The following ZNF492 variants were observed in gnomAD, a reference collection of about 807,000 sequenced individuals.
The protein encoded by ZNF492 is zinc finger protein 115 (Y20).
Under a neutral mutation model 6.4 loss-of-function variants are expected in ZNF492, and 3 were observed. The observed-to-expected ratio is 0.47, with a 90% CI of 0.21 to 1.22. The LOEUF is 1.22. Among genes scored for constraint, ZNF492 ranks in the 50% most tolerant of loss-of-function variants. The pLI is 0.22. For synonymous variants in ZNF492, 112 were observed against 205.3 expected, an observed-to-expected ratio of 0.55 and a Z score of 3.89; for missense variants, 356 against 612.5, an observed-to-expected ratio of 0.58 and a Z score of 4.42.
At chr19:22,656,989 A>G (rs529580270) in intron 3 of ZNF492, among the ~76,000 whole-genome samples, 78 of 152,210 alleles carry the variant, frequency 5.1e-4, no homozygotes, top group African/African-American at 1.9e-3. Flanking sequence ...CAGGCTGATG[A>G]ATTTTCTTGC....
intron 1 of ZNF492, among the ~76,000 whole-genome samples, chr19:22,637,698 CT>C (rs1971782629): frequency 6.6e-6 from 1 of 152,062 alleles, no homozygotes; most frequent in Non-Finnish European, 1.5e-5. Context: ...ATACGTATGT[CT>C]TTATAATAGA....
At position 22,649,258 on chromosome 19, in the gene ZNF492, C is replaced by T. The variant is rs1160250131; in HGVS notation, c.-93-4049C>T. 5.3e-5 allele frequency among the ~76,000 whole-genome samples: 8 copies of T among 152,148 alleles called. 1 individual carries two copies. Among genetic ancestry groups the T allele is most frequent in the Non-Finnish European group, 2.9e-5 (2 of 68,036 alleles). On this transcript the variant is annotated intron_variant, in intron 1 of 3. Coordinates refer to ENST00000456783, the MANE Select transcript of ZNF492 (RefSeq NM_020855.3). ...CTTTAAGAATGTTGAATATTGGCCT[C>T]CATTGTCATCTGGTTTGTAGGATTT... is the stretch of plus-strand genomic sequence containing the variant.
chr19:22,636,417 C>T lies in ZNF492; in HGVS notation c.-94+1943C>T, dbSNP rs1248472891. On this transcript the variant is annotated intron_variant, in intron 1 of 3. Transcript: ENST00000456783. ...AGCCTCAGCTATTACTTAGAAACAA[C>T]ATGCATTTGGTTTTCTGCTGCTACG... Among the ~76,000 whole-genome samples the T allele has an allele frequency of 3.3e-5, 5 of 151,550 alleles. No individual in the cohort carries two copies. The South Asian group carries it at 8.4e-4, about 25-fold the overall frequency.
intron 1 of ZNF492, among the ~76,000 whole-genome samples, chr19:22,647,359 T>G (rs1486379521): frequency 6.8e-6 from 1 of 147,996 alleles, no homozygotes; most frequent in African/African-American, 2.5e-5. Context: ...TGGGTTCAAG[T>G]GATTGTCCTG....
intron 3 of ZNF492, among the ~76,000 whole-genome samples, chr19:22,663,262 T>C (rs527768804): frequency 0.034 from 5,128 of 151,844 alleles, 281 homozygotes; most frequent in African/African-American, 0.12. Context: ...GTGGTGTTAT[T>C]TCTGAGGTCT....
intron 3 of ZNF492, among the ~76,000 whole-genome samples, chr19:22,662,945 C>T (rs1425402183): frequency 6.6e-6 from 1 of 152,080 alleles, no homozygotes. Flanking sequence ...TTAATTAGAT[C>T]CCATTTGTCA....
intron 1 of ZNF492, among the ~76,000 whole-genome samples, chr19:22,647,204 T>C (rs1030393264): frequency 5.9e-5 from 9 of 151,648 alleles, no homozygotes; most frequent in African/African-American, 2.2e-4. Flanking sequence ...TGGATGTTTT[T>C]TGATGTGCTG....
intron 1 of ZNF492, among the ~76,000 whole-genome samples, chr19:22,652,898 A>C (rs545557306): frequency 3.9e-5 from 6 of 152,122 alleles, no homozygotes; most frequent in Non-Finnish European, 8.8e-5. Flanking sequence ...TGAAAAAATA[A>C]TCTGCATTAA....
chr19:22,659,561 TACACACACAC>T (rs569041771), intron 3 of ZNF492, among the ~76,000 whole-genome samples: 2 of 138,746 alleles, frequency 1.4e-5, no homozygotes, highest in African/African-American at 2.8e-5. Flanking sequence ...TAATGTGAGA[TACACACACAC>T]ACACACACAC....
In ZNF492 at chr19:22,653,358, C is replaced by T. The variant is rs376012157; in HGVS notation, c.-42C>T. 33 of 1,613,732 alleles carry T rather than the reference C, an allele frequency of 2.0e-5. No individual in the cohort carries two copies. In the African/African-American group the frequency reaches 3.2e-4, roughly 16 times the overall value. ...CATAGAATTCTCTCTGGAGGAGTGG[C>T]AATGCCTGGACACCGCACAGCAGAA... On this transcript the variant is annotated 5_prime_UTR_variant, in exon 2 of 4. Transcript: ENST00000456783.
intron 3 of ZNF492, among the ~76,000 whole-genome samples, chr19:22,655,294 CAA>C (rs35079347): frequency 3.6e-5 from 5 of 138,642 alleles, no homozygotes; most frequent in East Asian, 2.1e-4. Context: ...AACTCCATCT[CAA>C]AAAAAAAAAA....
At chr19:22,639,279 C>G (rs925705906) in intron 1 of ZNF492, among the ~76,000 whole-genome samples, 6 of 152,106 alleles carry the variant, frequency 3.9e-5, no homozygotes, top group Admixed American at 3.9e-4. Context: ...ATATTTTATT[C>G]TCTTTGTAGT....
intron 1 of ZNF492, among the ~76,000 whole-genome samples, chr19:22,639,814 T>C (rs1971808499): frequency 6.6e-6 from 1 of 151,640 alleles, no homozygotes. Flanking sequence ...TAAGTTTGAC[T>C]TCCTTTCTTC....
rs999977563 is a variant in ZNF492, at chr19:22,658,637, A to G, written c.130+4622A>G. On this transcript the variant is annotated intron_variant, in intron 3 of 3. Coordinates refer to ENST00000456783, the MANE Select transcript of ZNF492 (RefSeq NM_020855.3). ...ATTTTGCATAAAGTCATCAAGATTT[A>G]CCTTTATAGTTGTTAGAATATTTCC... 2.1e-5 allele frequency among the ~76,000 whole-genome samples: 3 copies of G among 140,696 alleles called. 1 individual carries two copies. Among genetic ancestry groups the G allele is most frequent in the East Asian group, 4.1e-4 (2 of 4,916 alleles). 92.3% of individuals were successfully genotyped at this position (140,696 alleles called of 152,430 possible).
At chr19:22,655,732 A>T (rs537888374) in intron 3 of ZNF492, among the ~76,000 whole-genome samples, 2 of 143,076 alleles carry the variant, frequency 1.4e-5, no homozygotes, top group Middle Eastern at 3.6e-3. Flanking sequence ...GTTAAAATAG[A>T]AGCGTTGAGA....
In ZNF492 at chr19:22,664,236, A is replaced by T. The variant is rs1221563530; in HGVS notation, c.567A>T (p.Arg189Ser). ...CCTCAAACCTTTCTACACATAAAAG[A>T]ATTCATACTGGAAAGAAACCCTACA... ...NETSNLSTHK[R>S]IHTGKKPYKC... is the part of the protein sequence containing the mutation. Residue 189 changes from arginine to serine, a missense_variant, in exon 4 of 4, where the codon AGA becomes AGT. Physicochemically the swap from Arg to Ser is moderately radical, Grantham distance 110. Around this residue, in one of 7 missense-constraint regions of ZNF492, gnomAD observed 196 missense variants for 219.4 expected, o/e 0.89. Coordinates refer to ENST00000456783, the MANE Select transcript of ZNF492 (RefSeq NM_020855.3). 5 of 1,610,820 alleles carry T rather than the reference A, an allele frequency of 3.1e-6. No homozygotes were observed. In the African/African-American group the frequency reaches 6.7e-5, roughly 22 times the overall value.
chr19:22,643,004 C>G (rs571211708), intron 1 of ZNF492, among the ~76,000 whole-genome samples: 1 of 152,292 alleles, frequency 6.6e-6, no homozygotes, highest in African/African-American at 2.4e-5. Flanking sequence ...TGGCTCACTC[C>G]TGTAATCCCA....
At chr19:22,656,928 C>T (rs1440678480) in intron 3 of ZNF492, among the ~76,000 whole-genome samples, 1 of 152,106 alleles carries the variant, frequency 6.6e-6, no homozygotes, top group East Asian at 1.9e-4. Context: ...AAGCATTTCT[C>T]ATTACAGGTT....
chr19:22,644,369 C>T (rs1971857027), intron 1 of ZNF492, among the ~76,000 whole-genome samples: 1 of 152,018 alleles, frequency 6.6e-6, no homozygotes, highest in Non-Finnish European at 1.5e-5. Context: ...CTTCTAGGTG[C>T]CCTCCCCTTG....
Sources: allele counts gnomAD v4.1 joint callset (sites outside exome capture counted in the v4.1 genomes callset), GRCh38; gene constraint gnomAD v4.1.1; regional missense constraint gnomAD v4.1.1; transcripts MANE v1.5; gene names NCBI Gene and HGNC (gene_info 2026-07-23, HGNC 2026-07-21).